CNOT10: variants seen among roughly 807,000 people sequenced by gnomAD.
The protein encoded by CNOT10 is CCR4-NOT transcription complex subunit 10.
In CNOT10, 30 loss-of-function variants were observed where a neutral mutation model predicts 94.6. That is an observed-to-expected ratio of 0.32 (90% CI 0.24 to 0.43). The LOEUF (loss-of-function observed/expected upper bound fraction) is 0.43, where lower values mean the gene tolerates loss of function less well. Ranked by LOEUF, CNOT10 falls within the 20% of genes least tolerant of loss-of-function variation. CNOT10 has a pLI of 1.00. For synonymous variants in CNOT10, 289 were observed against 301.6 expected, an observed-to-expected ratio of 0.96 and a Z score of 0.43; for missense variants, 759 against 877.2, an observed-to-expected ratio of 0.87 and a Z score of 1.70.
At chr3:32,701,200 C>T (rs1352761365) in intron 1 of CNOT10, among the ~76,000 whole-genome samples, 1 of 151,854 alleles carries the variant, frequency 6.6e-6, no homozygotes, top group East Asian at 1.9e-4. Flanking sequence ...CCACTGCAGT[C>T]CAACCTGGGT....
intron 7 of CNOT10, among the ~76,000 whole-genome samples, chr3:32,719,902 C>T (rs1485095115): frequency 6.6e-6 from 1 of 151,944 alleles, no homozygotes; most frequent in Non-Finnish European, 1.5e-5. Context: ...TTCAGGTGGA[C>T]CCTTAGTAAT....
chr3:32,729,004 G>C (rs1446644636), intron 10 of CNOT10, among the ~76,000 whole-genome samples: 1 of 152,180 alleles, frequency 6.6e-6, no homozygotes, highest in Admixed American at 6.5e-5. Flanking sequence ...GGTGAGGCAG[G>C]AGAATGACGT....
At chr3:32,716,764 C>T (rs9859972) in intron 6 of CNOT10, among the ~76,000 whole-genome samples, 29,542 of 152,076 alleles carry the variant, frequency 0.19, 3,586 homozygotes, top group African/African-American at 0.33. Flanking sequence ...TCTCCTGCCT[C>T]AGCCTTCCTG....
Position 32,685,363 on chromosome 3 carries a change from C to T in CNOT10, c.-98C>T, listed in dbSNP as rs1696550151. 1.4e-6 allele frequency: 2 copies of T among 1,427,134 alleles called. No individual in the cohort carries two copies. Among genetic ancestry groups the T allele is most frequent in the Non-Finnish European group, 1.9e-6 (2 of 1,036,726 alleles). 88.4% of individuals were successfully genotyped at this position (1,427,134 alleles called of 1,614,324 possible). ...CCTGGGGGCCCGGAGCCGGGGTAGG[C>T]ACAGAGTTGTCCTCGGAGGTCCAGG... is the stretch of plus-strand genomic sequence containing the variant. On this transcript the variant is annotated 5_prime_UTR_variant, in exon 1 of 19. Coordinates refer to ENST00000328834, the MANE Select transcript of CNOT10 (RefSeq NM_015442.3).
chr3:32,694,479 A>C (rs182874065), intron 1 of CNOT10, among the ~76,000 whole-genome samples: 16 of 152,314 alleles, frequency 1.1e-4, no homozygotes, highest in African/African-American at 3.8e-4. Flanking sequence ...CTATGCATAA[A>C]AACTCCTCCT....
At chr3:32,764,346 A>G (rs891165408) in intron 15 of CNOT10, 109 bp from the exon 16 acceptor site, 60 of 1,213,450 alleles carry the variant, frequency 4.9e-5, no homozygotes, top group African/African-American at 3.4e-4. Flanking sequence ...CAAAAAAAAA[A>G]AAAAGAAAAG....
At chr3:32,754,489 A>AAAAAAAATATATAT (rs77878221) in intron 13 of CNOT10, among the ~76,000 whole-genome samples, 9 of 70,216 alleles carry the variant, frequency 1.3e-4, no homozygotes, top group African/African-American at 4.6e-4. Flanking sequence ...AAAAAAAAAA[A>AAAAAAAATATATAT]ATACATATAT....
chr3:32,733,613 A>T (rs1699051756), intron 11 of CNOT10, 69 bp downstream of exon 11: 1 of 1,088,492 alleles, frequency 9.2e-7, no homozygotes, highest in Non-Finnish European at 1.3e-6. Flanking sequence ...CTTATATATA[A>T]AAGTATGATT....
chr3:32,747,332 G>A (rs369286486), intron 13 of CNOT10, among the ~76,000 whole-genome samples: 13 of 151,698 alleles, frequency 8.6e-5, no homozygotes, highest in African/African-American at 3.1e-4. Context: ...CAGGAGAATC[G>A]CTTGAACCCA....
chr3:32,759,261 C>T (rs978965749), intron 13 of CNOT10, among the ~76,000 whole-genome samples, 197 bp from the exon 14 acceptor site: 5 of 152,134 alleles, frequency 3.3e-5, no homozygotes, highest in African/African-American at 1.2e-4. Context: ...CTAAAGATGA[C>T]TTATGTAAAT....
At chr3:32,744,491 A>G (rs1387522654) in intron 13 of CNOT10, among the ~76,000 whole-genome samples, 5 of 152,154 alleles carry the variant, frequency 3.3e-5, no homozygotes, top group African/African-American at 4.8e-5. Flanking sequence ...AAATTAAGGT[A>G]AGTCCAAAAA....
chr3:32,739,900 G>A lies in CNOT10; in HGVS notation c.1595+2410G>A, dbSNP rs147345272. Among the ~76,000 whole-genome samples the A allele has an allele frequency of 1.8e-3, 275 of 152,202 alleles. 1 individual carries two copies. The highest frequency in any genetic ancestry group is 5.9e-3 in the African/African-American group (243 of 41,532). On this transcript the variant is annotated intron_variant, in intron 13 of 18. Transcript: ENST00000328834. ...AGACCGCGCCGTTGCACTCCAGCCTGGGCAACAAGAGTGAAACTCCGTCTC... is the reference window on the plus strand; with the variant it reads ...AGACCGCGCCGTTGCACTCCAGCCTAGGCAACAAGAGTGAAACTCCGTCTC...
intron 1 of CNOT10, among the ~76,000 whole-genome samples, chr3:32,700,025 G>A (rs945539569): frequency 6.7e-6 from 1 of 150,074 alleles, no homozygotes; most frequent in African/African-American, 2.5e-5. Context: ...ACCCAGGCTG[G>A]AGTGCAGTGG....
At chr3:32,692,419 T>G (rs528110775) in intron 1 of CNOT10, among the ~76,000 whole-genome samples, 1 of 152,330 alleles carries the variant, frequency 6.6e-6, no homozygotes, top group South Asian at 2.1e-4. Flanking sequence ...TTTCTTAAAC[T>G]CTAACTTATT....
At chr3:32,751,771 T>A (rs541933528) in intron 13 of CNOT10, among the ~76,000 whole-genome samples, 1 of 152,212 alleles carries the variant, frequency 6.6e-6, no homozygotes, top group Non-Finnish European at 1.5e-5. Context: ...ATCTTTTGAA[T>A]CTTATATTGC....
At chr3:32,713,169 GA>G (rs1463809702) in intron 4 of CNOT10, 57 bp from the exon 5 acceptor site, 1 of 1,412,836 alleles carries the variant, frequency 7.1e-7, no homozygotes, top group African/African-American at 1.5e-5. Context: ...AGGGTGGTCT[GA>G]AATGTGTGCT....
chr3:32,697,689 G>T (rs114850084), intron 1 of CNOT10, among the ~76,000 whole-genome samples: 1 of 152,120 alleles, frequency 6.6e-6, no homozygotes, highest in African/African-American at 2.4e-5. Context: ...TTCCCAGGCT[G>T]GTCTGGAACT....
chr3:32,721,647 CTTTTTTTTT>C (rs746767255), intron 8 of CNOT10, among the ~76,000 whole-genome samples: 1 of 131,608 alleles, frequency 7.6e-6, no homozygotes, highest in African/African-American at 2.8e-5. Flanking sequence ...ATTACATATT[CTTTTTTTTT>C]TTTTTTTTGA....
intron 4 of CNOT10, among the ~76,000 whole-genome samples, chr3:32,710,002 C>G (rs1456007046): frequency 6.6e-6 from 1 of 151,924 alleles, no homozygotes; most frequent in Non-Finnish European, 1.5e-5. Flanking sequence ...CAAAATTAGC[C>G]AGGTGTGGTG....
Sources: gnomAD v4.1 joint callset for allele counts (sites outside exome capture counted in the v4.1 genomes callset) on GRCh38, gnomAD v4.1.1 for gene constraint, MANE v1.5 for transcripts, NCBI Gene and HGNC (gene_info 2026-07-23, HGNC 2026-07-21) for gene names.